ASAP2: variants seen among roughly 807,000 people sequenced by gnomAD.
ASAP2 encodes arf-GAP with SH3 domain, ANK repeat and PH domain-containing protein 2.
A neutral mutation model predicts 131.4 loss-of-function variants in ASAP2; 45 were observed. That is an observed-to-expected ratio of 0.34 (90% CI 0.27 to 0.44). The LOEUF (loss-of-function observed/expected upper bound fraction) is 0.44. Among genes scored for constraint, ASAP2 ranks in the 20% least tolerant of loss-of-function variants. The probability of loss-of-function intolerance (pLI) is 1.00; values close to 1 mark genes in which losing one functional copy is unlikely to be tolerated. For synonymous variants in ASAP2, 510 were observed against 503.0 expected (o/e 1.01, Z -0.19); for missense variants, 1,011 against 1,297.0 (o/e 0.78, Z 3.39).
At chr2:9,334,886 C>A in intron 8 of ASAP2, 73 bp downstream of exon 8, 2 of 1,499,530 alleles carry the variant, frequency 1.3e-6, no homozygotes, top group Admixed American at 1.7e-5. Flanking sequence ...AATGTCACTT[C>A]TGTGTAATCC....
intron 1 of ASAP2, among the ~76,000 whole-genome samples, chr2:9,215,683 G>A (rs1661971256): frequency 7.5e-6 from 1 of 133,530 alleles, no homozygotes; most frequent in African/African-American, 2.9e-5. Context: ...TTTTTTTTTG[G>A]AGTGATGGAT....
intron 2 of ASAP2, among the ~76,000 whole-genome samples, chr2:9,291,288 G>A (rs1667790309): frequency 6.6e-6 from 1 of 152,202 alleles, no homozygotes; most frequent in Admixed American, 6.5e-5. Flanking sequence ...TTAGTAAATT[G>A]GAAATGAAAA....
Position 9,356,281 on chromosome 2 carries a change from G to C in ASAP2, c.1263G>C (p.Lys421Asn). The C allele has an allele frequency of 1.2e-6, 2 of 1,614,000 alleles. No individual in the cohort carries two copies. The highest frequency in any genetic ancestry group is 1.7e-6 in the Non-Finnish European group (2 of 1,179,946). Residue 421 changes from lysine (K) to asparagine (N), a missense_variant, in exon 14 of 28, where the codon AAG (lysine) becomes AAC (asparagine). Physicochemically the swap from Lys to Asn is moderately conservative, Grantham distance 94. Transcript: ENST00000281419. ...ATAACATCGTCCAAGAACTGACAAA[G>C]GAGATCATCTCAGAAGTGCAGAGGA... Reference protein sequence around the residue: ...GENNIVQELTKEIISEVQRMT... With the variant: ...GENNIVQELTNEIISEVQRMT...
At position 9,217,649 on chromosome 2, in the gene ASAP2, C is replaced by T. The variant is rs1234885543; in HGVS notation, c.126+10419C>T. On this transcript the variant is annotated intron_variant, in intron 1 of 27. Transcript: ENST00000281419. The surrounding 1 kb of genome is among the most constrained non-coding windows in gnomAD (Gnocchi z 4.0). ...TTTTTTTTGAGACGGAGTCTTCGCT[C>T]TGCCACCCAGGCTGGAGTGCGGTGG... Among the ~76,000 whole-genome samples, 1 of 151,408 alleles carries T rather than the reference C, an allele frequency of 6.6e-6. No homozygotes were observed. Among genetic ancestry groups the T allele is most frequent in the Non-Finnish European group, 1.5e-5 (1 of 67,894 alleles).
chr2:9,328,183 G>A (rs376115048), intron 7 of ASAP2, among the ~76,000 whole-genome samples: 10 of 152,210 alleles, frequency 6.6e-5, no homozygotes, highest in African/African-American at 1.4e-4. Flanking sequence ...AGTGATTGCC[G>A]CAGCTTGGAG....
At chr2:9,239,681 A>G (rs1313969520) in intron 1 of ASAP2, among the ~76,000 whole-genome samples, 1 of 151,854 alleles carries the variant, frequency 6.6e-6, no homozygotes, top group Non-Finnish European at 1.5e-5. Flanking sequence ...GCACAAAACC[A>G]TTGTTTTTTG....
chr2:9,251,382 C>T (rs181752731), intron 1 of ASAP2, among the ~76,000 whole-genome samples: 2 of 152,240 alleles, frequency 1.3e-5, no homozygotes, highest in Admixed American at 6.5e-5. Flanking sequence ...GACCTGCCCT[C>T]CCTGTGGGGG....
At chr2:9,364,476 G>A (rs987598369) in intron 15 of ASAP2, among the ~76,000 whole-genome samples, 1 of 152,196 alleles carries the variant, frequency 6.6e-6, no homozygotes, top group African/African-American at 2.4e-5. Flanking sequence ...CTGCTCTCCA[G>A]CCTGGGTGAC....
chr2:9,401,503 C>G, intron 27 of ASAP2, 107 bp downstream of exon 27: 1 of 1,415,570 alleles, frequency 7.1e-7, no homozygotes, highest in Non-Finnish European at 9.5e-7. Flanking sequence ...CTGAGCAGTC[C>G]AGATGTAGTT....
At chr2:9,374,373 G>A (rs905961455) in intron 16 of ASAP2, among the ~76,000 whole-genome samples, 2 of 152,262 alleles carry the variant, frequency 1.3e-5, no homozygotes, top group African/African-American at 4.8e-5. Context: ...GCTGCATGGA[G>A]GGCAGGGGCA....
intron 5 of ASAP2, among the ~76,000 whole-genome samples, chr2:9,321,707 A>C (rs1220677604): frequency 6.6e-6 from 1 of 152,200 alleles, no homozygotes; most frequent in African/African-American, 2.4e-5. Flanking sequence ...TTTCTGAAGA[A>C]GAGTGCCTGA....
At chr2:9,362,121 T>G (rs961529919) in intron 15 of ASAP2, among the ~76,000 whole-genome samples, 3 of 152,184 alleles carry the variant, frequency 2.0e-5, no homozygotes, top group African/African-American at 7.2e-5. Flanking sequence ...TGCTAGCATG[T>G]GAACCCCCAG....
chr2:9,208,760 T>G (rs762547166), intron 1 of ASAP2, among the ~76,000 whole-genome samples: 3 of 152,220 alleles, frequency 2.0e-5, no homozygotes, highest in Non-Finnish European at 4.4e-5. Context: ...AAGTGCCAGT[T>G]AAAAAGCACG....
Position 9,340,173 on chromosome 2 carries a change from C to T in ASAP2, c.850-4359C>T, listed in dbSNP as rs575452113. Among the ~76,000 whole-genome samples, 92 of 152,326 alleles carry T rather than the reference C, an allele frequency of 6.0e-4. 1 individual carries two copies. In the South Asian group the frequency reaches 0.011, roughly 18 times the overall value. On this transcript the variant is annotated intron_variant, in intron 9 of 27. Transcript: ENST00000281419. ...AATTAGCTGGGATTACAGGTACGCG[C>T]CACCACGCCTGGCTAATTTTTGTAG...
At chr2:9,295,336 A>C (rs1339770046) in intron 2 of ASAP2, among the ~76,000 whole-genome samples, 1 of 152,248 alleles carries the variant, frequency 6.6e-6, no homozygotes, top group Non-Finnish European at 1.5e-5. Context: ...GTGTTATGAG[A>C]AATAATACAT....
chr2:9,290,324 C>A (rs1024760802), intron 2 of ASAP2, among the ~76,000 whole-genome samples: 1 of 152,182 alleles, frequency 6.6e-6, no homozygotes, highest in African/African-American at 2.4e-5. Context: ...ATTCTCATGC[C>A]TCAGCCTCCT....
chr2:9,285,442 T>C (rs1667403563), intron 2 of ASAP2, among the ~76,000 whole-genome samples: 1 of 152,194 alleles, frequency 6.6e-6, no homozygotes, highest in Non-Finnish European at 1.5e-5. Context: ...CAATAGTCAG[T>C]GCATTATGTT....
intron 11 of ASAP2, among the ~76,000 whole-genome samples, chr2:9,350,171 A>C (rs1672239566): frequency 6.6e-6 from 1 of 152,006 alleles, no homozygotes; most frequent in Non-Finnish European, 1.5e-5. Flanking sequence ...ACCTCTGATG[A>C]AAGTATGTTG....
intron 19 of ASAP2, among the ~76,000 whole-genome samples, chr2:9,380,198 T>C (rs1448933462): frequency 6.6e-6 from 1 of 152,062 alleles, no homozygotes; most frequent in Non-Finnish European, 1.5e-5. Flanking sequence ...GTTTTTGTTT[T>C]TGTTTTTTGT....
Sources: allele counts gnomAD v4.1 joint callset (sites outside exome capture counted in the v4.1 genomes callset), GRCh38; gene constraint gnomAD v4.1.1; non-coding constraint Gnocchi (gnomAD v3.1); transcripts MANE v1.5; gene names NCBI Gene and HGNC (gene_info 2026-07-23, HGNC 2026-07-21).